Variants in TTC34 observed in about 807,000 individuals in gnomAD.
TTC34 encodes tetratricopeptide repeat domain 34, also known as tetratricopeptide repeat protein 34.
In TTC34, 44 loss-of-function variants were observed where a neutral mutation model predicts 40.7. The observed-to-expected ratio is 1.08, with a 90% CI of 0.85 to 1.39. TTC34 has a LOEUF of 1.39. Among genes scored for constraint, TTC34 ranks in the 40% most tolerant of loss-of-function variants. The pLI is 0.00. For missense variants in TTC34, 884 were observed against 838.0 expected (o/e 1.05, Z -0.68); for synonymous variants, 422 against 398.6 (o/e 1.06, Z -0.70).
At chr1:2,655,577 A>G in intron 6 of TTC34, among the ~76,000 whole-genome samples, 1 of 137,134 alleles carries the variant, frequency 7.3e-6, no homozygotes, top group Admixed American at 7.9e-5. Flanking sequence ...TCACAACCCC[A>G]GGTTAGCATC....
chr1:2,780,054 C>A (rs1643456948), intron 6 of TTC34, among the ~76,000 whole-genome samples: 1 of 152,172 alleles, frequency 6.6e-6, no homozygotes, highest in South Asian at 2.1e-4. Context: ...GCGGAAGTTG[C>A]AGTGAGCTGA....
At chr1:2,752,441 G>C (rs1641353647) in intron 6 of TTC34, among the ~76,000 whole-genome samples, 2 of 133,696 alleles carry the variant, frequency 1.5e-5, no homozygotes, top group South Asian at 2.6e-4. Flanking sequence ...GCCTGGAACA[G>C]CACCCTGCAC....
exon 2 of TTC34, chr1:2,800,767 G>A: frequency 2.5e-6 from 1 of 399,116 alleles, no homozygotes; most frequent in East Asian, 3.6e-5. Flanking sequence ...AGCTCCCCCA[G>A]CGCCAGATGC....
intron 6 of TTC34, among the ~76,000 whole-genome samples, chr1:2,755,543 C>T (rs1414262927): frequency 9.8e-6 from 1 of 102,420 alleles, no homozygotes; most frequent in Non-Finnish European, 1.8e-5. Context: ...GTACCCACAC[C>T]CACAGGCGAG....
chr1:2,796,488 G>A lies in TTC34; in HGVS notation c.784+3556C>T, dbSNP rs1032940550. 5.9e-5 allele frequency among the ~76,000 whole-genome samples: 9 copies of A among 152,134 alleles called. No individual in the cohort carries two copies. Among genetic ancestry groups the A allele is most frequent in the African/African-American group, 1.9e-4 (8 of 41,396 alleles). On this transcript the variant is annotated intron_variant, in intron 2 of 8. Coordinates refer to ENST00000401095, the Ensembl canonical transcript of TTC34. The surrounding 1 kb of genome is among the most constrained non-coding windows in gnomAD (Gnocchi z 4.5). Reference sequence around the variant, plus strand: ...TGTTCCCTGTACACACCAGAGCCACGGCAGACACAGACGAGCTTCCGGTGG... The same window carrying A: ...TGTTCCCTGTACACACCAGAGCCACAGCAGACACAGACGAGCTTCCGGTGG...
chr1:2,699,494 A>C (rs1263225735), intron 6 of TTC34, among the ~76,000 whole-genome samples: 1,041 of 23,464 alleles, frequency 0.044, no homozygotes, highest in East Asian at 0.058. Context: ...GCACCCACAC[A>C]CCCAGGCGAG....
intron 6 of TTC34, among the ~76,000 whole-genome samples, chr1:2,687,525 C>G (rs556524710): frequency 6.8e-6 from 1 of 146,608 alleles, no homozygotes; most frequent in African/African-American, 2.7e-5. Context: ...AGCACCCACA[C>G]CCCCAGGTGA....
chr1:2,750,724 C>A (rs1641291478), intron 6 of TTC34, among the ~76,000 whole-genome samples: 2 of 147,802 alleles, frequency 1.4e-5, no homozygotes, highest in African/African-American at 5.1e-5. Flanking sequence ...GCAGCACCCA[C>A]ACCCCCAGGT....
intron 6 of TTC34, among the ~76,000 whole-genome samples, chr1:2,749,487 C>A (rs1202966864): frequency 1.4e-4 from 5 of 34,820 alleles, no homozygotes; most frequent in East Asian, 2.2e-3. Context: ...CCCACATCCC[C>A]AGGTGAGCAT....
intron 6 of TTC34, among the ~76,000 whole-genome samples, chr1:2,695,418 A>C (rs564476486): frequency 6.8e-4 from 20 of 29,312 alleles, no homozygotes; most frequent in Non-Finnish European, 7.0e-4. Flanking sequence ...ATCTGATCGC[A>C]TGGAATGGCA....
rs1489985275 is a variant in TTC34, at chr1:2,699,501, C to G, written c.2227-53938G>C. Among the ~76,000 whole-genome samples, 2 of 45,250 alleles carry G rather than the reference C, an allele frequency of 4.4e-5. 1 individual carries two copies. Among genetic ancestry groups the G allele is most frequent in the East Asian group, 1.9e-3 (2 of 1,072 alleles). The allele number at this position is 45,250 out of a possible 152,430, so 29.7% of individuals were successfully genotyped here. A position where few individuals can be genotyped will look rare whatever the true frequency, so the allele number is the denominator to read the frequency against. The stretch of plus-strand genomic sequence containing the variant: ...CTGGAGCAGCACCCACACACCCAGG[C>G]GAGAATCTGACAGCCTGGAACACCA... On this transcript the variant is annotated intron_variant, in intron 6 of 8. Transcript: ENST00000401095.
At chr1:2,789,378 T>C (rs1197839051) in intron 3 of TTC34, 125 bp downstream of exon 3, 3 of 971,010 alleles carry the variant, frequency 3.1e-6, no homozygotes, top group East Asian at 6.4e-5. Context: ...CCTCGGGTGC[T>C]TTGGGAAGTC....
intron 3 of TTC34, among the ~76,000 whole-genome samples, chr1:2,788,529 A>C (rs1283000686): frequency 6.6e-6 from 1 of 151,342 alleles, no homozygotes; most frequent in Non-Finnish European, 1.5e-5. Flanking sequence ...CTTTGCTGAA[A>C]CCCCTTCCTG....
intron 6 of TTC34, among the ~76,000 whole-genome samples, chr1:2,772,809 C>T (rs1381037955): frequency 1.4e-5 from 1 of 73,838 alleles, no homozygotes; most frequent in Non-Finnish European, 3.0e-5. Flanking sequence ...GGAACAGCAC[C>T]CCACGCCCCC....
At chr1:2,789,969 C>T (rs1227368147) in exon 3 of TTC34, 4 of 392,000 alleles carry the variant, frequency 1.0e-5, no homozygotes, top group Non-Finnish European at 1.8e-5. Context: ...CGGGCGCCCG[C>T]CGCGTCCCCT....
intron 6 of TTC34, among the ~76,000 whole-genome samples, chr1:2,652,570 G>A (rs553707011): frequency 1.3e-5 from 2 of 151,086 alleles, no homozygotes; most frequent in African/African-American, 4.9e-5. Context: ...CACACCCCCA[G>A]GTGAGCATTG....
chr1:2,790,781 A>C (rs1479055573), intron 2 of TTC34, among the ~76,000 whole-genome samples: 1 of 152,130 alleles, frequency 6.6e-6, no homozygotes, highest in East Asian at 1.9e-4. Context: ...TGAAGCTCCA[A>C]CTCTATGACC....
chr1:2,779,620 G>T (rs532566721), intron 6 of TTC34, among the ~76,000 whole-genome samples: 1 of 152,328 alleles, frequency 6.6e-6, no homozygotes, highest in Admixed American at 6.5e-5. Context: ...ACCACACCCA[G>T]CTGGTAGTTC....
chr1:2,767,833 A>G lies in TTC34; in HGVS notation c.2226+15776T>C, dbSNP rs1220766329. 7.3e-5 allele frequency among the ~76,000 whole-genome samples: 11 copies of G among 151,142 alleles called. 1 individual carries two copies. The highest frequency in any genetic ancestry group is 2.1e-4 in the South Asian group (1 of 4,696). On this transcript the variant is annotated intron_variant, in intron 6 of 8. Coordinates refer to ENST00000401095, the Ensembl canonical transcript of TTC34. ...CCCAGGTGAGCATCTGACAGCCTGGAGCAGCACCCACACCCCCAGGTGTGC... is the reference window on the plus strand; with the variant it reads ...CCCAGGTGAGCATCTGACAGCCTGGGGCAGCACCCACACCCCCAGGTGTGC...
Sources: gnomAD v4.1 joint callset for allele counts (sites outside exome capture counted in the v4.1 genomes callset) on GRCh38, gnomAD v4.1.1 for gene constraint, Gnocchi (gnomAD v3.1) non-coding constraint, MANE v1.5 for transcripts, NCBI Gene and HGNC (gene_info 2026-07-23, HGNC 2026-07-21) for gene names.